ADAM12: variants seen among roughly 807,000 people sequenced by gnomAD.
ADAM12 encodes disintegrin and metalloproteinase domain-containing protein 12.
A neutral mutation model predicts 106.4 loss-of-function variants in ADAM12; 70 were observed. The observed-to-expected ratio is 0.66, with a 90% CI of 0.54 to 0.80. The LOEUF (loss-of-function observed/expected upper bound fraction) is 0.80, where lower values mean the gene tolerates loss of function less well. Among genes scored for constraint, ADAM12 ranks in the 30% least tolerant of loss-of-function variants. ADAM12 has a pLI of 0.00. For synonymous variants in ADAM12, 420 were observed against 433.5 expected, an observed-to-expected ratio of 0.97 and a Z score of 0.39; for missense variants, 1,010 against 1,171.9, an observed-to-expected ratio of 0.86 and a Z score of 2.02.
At chr10:126,099,371 T>C (rs950904302) in intron 9 of ADAM12, among the ~76,000 whole-genome samples, 2 of 147,012 alleles carry the variant, frequency 1.4e-5, no homozygotes, top group African/African-American at 4.9e-5. Context: ...CTTCCCTCCC[T>C]CCCTCTCTCC....
intron 3 of ADAM12, among the ~76,000 whole-genome samples, chr10:126,202,307 C>G (rs574962948): frequency 3.9e-5 from 6 of 152,336 alleles, no homozygotes; most frequent in African/African-American, 1.4e-4. Flanking sequence ...TTAATTGATT[C>G]CAGATTTCAG....
intron 8 of ADAM12, among the ~76,000 whole-genome samples, chr10:126,104,728 TG>T (rs931264167): frequency 6.6e-6 from 1 of 152,116 alleles, no homozygotes; most frequent in African/African-American, 2.4e-5. Flanking sequence ...GTTTTGCTCA[TG>T]GGGGGATTTC....
At chr10:126,030,367 A>T (rs547175300) in intron 21 of ADAM12, among the ~76,000 whole-genome samples, 1 of 152,268 alleles carries the variant, frequency 6.6e-6, no homozygotes, top group African/African-American at 2.4e-5. Flanking sequence ...GAGACTTTTC[A>T]TTGTATCCCA....
intron 9 of ADAM12, among the ~76,000 whole-genome samples, chr10:126,099,489 ATATAAT>A (rs1347476394): frequency 6.6e-6 from 1 of 151,876 alleles, no homozygotes; most frequent in Non-Finnish European, 1.5e-5. Flanking sequence ...ATATGAACAG[ATATAAT>A]TATACATGTA....
chr10:126,170,417 GT>G (rs1957098523), intron 3 of ADAM12, among the ~76,000 whole-genome samples: 1 of 145,220 alleles, frequency 6.9e-6, no homozygotes, highest in African/African-American at 2.5e-5. Flanking sequence ...AAATGGATGT[GT>G]TTTTCCTTTA....
chr10:126,321,906 G>GTGT (rs1420271679), intron 2 of ADAM12, among the ~76,000 whole-genome samples: 3 of 127,160 alleles, frequency 2.4e-5, no homozygotes, highest in African/African-American at 8.1e-5. Context: ...CCTGGGGGTC[G>GTGT]GGGGGGGGGC....
intron 4 of ADAM12, among the ~76,000 whole-genome samples, chr10:126,148,402 C>T (rs1483569510): frequency 2.0e-5 from 3 of 152,158 alleles, no homozygotes; most frequent in Non-Finnish European, 4.4e-5. Flanking sequence ...TCTGGGTCCT[C>T]ACCACGAAAA....
At chr10:126,283,794 G>C (rs1007763238) in intron 2 of ADAM12, among the ~76,000 whole-genome samples, 6 of 152,112 alleles carry the variant, frequency 3.9e-5, no homozygotes, top group African/African-American at 2.4e-5. Flanking sequence ...GTGTTCTCAT[G>C]AACAGAATGC....
chr10:126,088,314 G>T (rs1024225396), intron 11 of ADAM12, among the ~76,000 whole-genome samples: 2 of 152,064 alleles, frequency 1.3e-5, no homozygotes, highest in African/African-American at 4.8e-5. Context: ...GCTTTGCTCT[G>T]CCTGGTGGCC....
In ADAM12 at chr10:126,019,767, G is replaced by C. The variant is rs1240599274; in HGVS notation, c.2588C>G (p.Thr863Arg). The C allele has an allele frequency of 6.2e-7, 1 of 1,614,170 alleles. No homozygotes were observed. The highest frequency in any genetic ancestry group is 1.3e-5 in the African/African-American group (1 of 75,050). The change falls in exon 22 of 23, where the codon ACA becomes AGA. Residue 863 changes from threonine (T) to arginine (R), a missense_variant. Thr to Arg is a moderately conservative substitution (Grantham distance 71, BLOSUM62 -1). This residue lies in a region of ADAM12 where 615 missense variants were observed against 708.5 expected (regional missense o/e 0.87). Coordinates refer to ENST00000448723, the MANE Select transcript of ADAM12 (RefSeq NM_001288973.2). ...KPLPADPLAR[T>R]TRLTHALART... ...GGCCAAGGCATGAGTGAGCCGAGTT[G>C]TTCTGGCCAGAGGATCTGCAGGCAG...
chr10:126,369,839 G>A (rs1590835063), intron 1 of ADAM12, among the ~76,000 whole-genome samples: 1 of 152,160 alleles, frequency 6.6e-6, no homozygotes, highest in Middle Eastern at 3.4e-3. Context: ...ACCCTGGTAG[G>A]GTTAGAATTA....
chr10:126,095,425 T>C (rs933034940), intron 10 of ADAM12, among the ~76,000 whole-genome samples: 1 of 150,314 alleles, frequency 6.7e-6, no homozygotes, highest in African/African-American at 2.5e-5. Flanking sequence ...TCCCAGCTAC[T>C]CTGGAAGCTG....
At chr10:126,356,552 C>T (rs180957068) in intron 1 of ADAM12, among the ~76,000 whole-genome samples, 18 of 152,208 alleles carry the variant, frequency 1.2e-4, no homozygotes, top group Admixed American at 5.9e-4. Flanking sequence ...TCCCCAAATG[C>T]GCAAAAACCA....
At chr10:126,039,693 C>T (rs992351641) in intron 18 of ADAM12, among the ~76,000 whole-genome samples, 13 of 152,190 alleles carry the variant, frequency 8.5e-5, no homozygotes, top group Non-Finnish European at 1.6e-4. Flanking sequence ...GTCTGGACCA[C>T]GCAGGTTCCC....
chr10:126,253,699 G>A (rs1158937365), intron 3 of ADAM12, among the ~76,000 whole-genome samples: 1 of 152,158 alleles, frequency 6.6e-6, no homozygotes, highest in Non-Finnish European at 1.5e-5. Context: ...GGTTGGGTGG[G>A]GGGAGGGCTT....
intron 1 of ADAM12, among the ~76,000 whole-genome samples, chr10:126,357,541 C>T (rs1443823152): frequency 6.6e-6 from 1 of 152,146 alleles, no homozygotes. Flanking sequence ...CTAATAAAGA[C>T]ATACCCAAGA....
intron 3 of ADAM12, among the ~76,000 whole-genome samples, chr10:126,225,011 G>T (rs1958165041): frequency 6.6e-6 from 1 of 152,252 alleles, no homozygotes; most frequent in Admixed American, 6.5e-5. Context: ...CTCTGAGTCA[G>T]GTTTGGGAGT....
intron 19 of ADAM12, among the ~76,000 whole-genome samples, chr10:126,038,702 AT>A (rs1954101725): frequency 6.6e-6 from 1 of 152,196 alleles, no homozygotes; most frequent in Non-Finnish European, 1.5e-5. Flanking sequence ...TCCATGTTGT[AT>A]AAAAATTACT....
At chr10:126,199,450 T>A (rs1231197804) in intron 3 of ADAM12, among the ~76,000 whole-genome samples, 1 of 152,164 alleles carries the variant, frequency 6.6e-6, no homozygotes, top group Admixed American at 6.5e-5. Context: ...GACTCAGCCA[T>A]ATTGTCAAGT....
Sources: gnomAD v4.1 joint callset for allele counts (sites outside exome capture counted in the v4.1 genomes callset) on GRCh38, gnomAD v4.1.1 for gene constraint, gnomAD v4.1.1 regional missense constraint, MANE v1.5 for transcripts, NCBI Gene and HGNC (gene_info 2026-07-23, HGNC 2026-07-21) for gene names.